The following GAREM2 variants were observed in gnomAD, a reference collection of about 807,000 sequenced individuals.
GAREM2 encodes GRB2-associated and regulator of MAPK protein 2.
Under a neutral mutation model 55.6 loss-of-function variants are expected in GAREM2, and 30 were observed. The observed-to-expected ratio is 0.54, with a 90% CI of 0.40 to 0.73. GAREM2 has a LOEUF of 0.73. Among genes scored for constraint, GAREM2 ranks in the 30% least tolerant of loss-of-function variants. GAREM2 has a pLI of 0.00. For synonymous variants in GAREM2, 550 were observed against 569.1 expected (o/e 0.97, Z 0.48); for missense variants, 1,075 against 1,257.7 (o/e 0.85, Z 2.20).
chr2:26,173,428 C>T, intron 1 of GAREM2, 96 bp downstream of exon 1: 1 of 602,524 alleles, frequency 1.7e-6, no homozygotes, highest in Non-Finnish European at 2.4e-6. Context: ...GTGCGGCACC[C>T]GCACCCTCCC....
the GAREM2 span, among the ~76,000 whole-genome samples, chr2:26,198,098 A>C: frequency 3.3e-5 from 5 of 152,174 alleles, no homozygotes; most frequent in Non-Finnish European, 7.3e-5. Context: ...ACGGCCTTGA[A>C]TTGCAATTCA....
At position 26,184,233 on chromosome 2, in the gene GAREM2, G is replaced by T; in HGVS notation, c.385G>T (p.Val129Leu). Reference protein sequence around the residue: ...VMEAITFSVKVVSGEFSEDSE... With the variant: ...VMEAITFSVKLVSGEFSEDSE... ...CCTGCCCTGTCTCTGGGATCCCCAG[G>T]TGGTGTCGGGCGAGTTCAGCGAGGA... Residue 129 changes from valine (V) to leucine (L), a missense_variant and splice_region_variant, in exon 4 of 6, where the codon GTG becomes TTG. Coordinates refer to ENST00000401533, the MANE Select transcript of GAREM2 (RefSeq NM_001168241.2). 1 of 1,549,768 alleles carries T rather than the reference G, an allele frequency of 6.5e-7. No homozygotes were observed. The highest frequency in any genetic ancestry group is 8.7e-7 in the Non-Finnish European group (1 of 1,145,932).
the GAREM2 span, among the ~76,000 whole-genome samples, chr2:26,196,470 T>A: frequency 6.6e-6 from 1 of 152,196 alleles, no homozygotes; most frequent in Non-Finnish European, 1.5e-5. Context: ...CAACTGTATA[T>A]ACATCCATAT....
intron 3 of GAREM2, 74 bp from the exon 4 acceptor site, chr2:26,184,159 C>T: frequency 6.6e-7 from 1 of 1,525,014 alleles, no homozygotes; most frequent in Non-Finnish European, 8.8e-7. Context: ...TTTCCCTTTC[C>T]AGTCTCTGGG....
downstream of GAREM2, among the ~76,000 whole-genome samples, chr2:26,192,828 G>A (rs1449807595): frequency 6.6e-6 from 1 of 152,164 alleles, no homozygotes; most frequent in Non-Finnish European, 1.5e-5. Flanking sequence ...CTGAATTCCT[G>A]AATTTGTATG....
chr2:26,176,263 G>A, intron 1 of GAREM2, 81 bp from the exon 2 acceptor site: 3 of 1,358,768 alleles, frequency 2.2e-6, no homozygotes, highest in Non-Finnish European at 2.9e-6. Flanking sequence ...TCTTGGTGAG[G>A]ACGTCACTAT....
the GAREM2 span, among the ~76,000 whole-genome samples, chr2:26,196,070 A>G: frequency 6.6e-6 from 1 of 152,212 alleles, no homozygotes; most frequent in African/African-American, 2.4e-5. Flanking sequence ...CTCATTATCT[A>G]CCTGCTCTTC....
chr2:26,187,701 C>G lies in GAREM2; in HGVS notation c.2069C>G (p.Ser690Cys). The G allele has an allele frequency of 1.3e-6, 2 of 1,488,862 alleles. No individual in the cohort carries two copies. The highest frequency in any genetic ancestry group is 1.8e-6 in the Non-Finnish European group (2 of 1,115,980). The allele number at this position is 1,488,862 out of a possible 1,614,324, so 92.2% of individuals were successfully genotyped here. Residue 690 changes from serine (S) to cysteine (C), a missense_variant, in exon 6 of 6, where the codon TCT becomes TGT. By Grantham distance (112) the Ser-to-Cys change is moderately radical. Coordinates refer to ENST00000401533, the MANE Select transcript of GAREM2 (RefSeq NM_001168241.2). ...TCCTGCGCCCCCTCCTCCTCCTCTT[C>G]TTCTGAATGGCAGGAACCAGTCCTG... ...PSSCAPSSSS[S>C]SEWQEPVLEP...
the GAREM2 span, chr2:26,199,467 G>A: frequency 1.3e-5 from 2 of 152,370 alleles, no homozygotes; most frequent in African/African-American, 2.4e-5. Context: ...GTAATATAGT[G>A]TCTAATGCTG....
rs1158355101 is a variant in GAREM2 at position 26,189,075 on chromosome 2, G to T, written c.*818G>T. The T allele has an allele frequency of 6.6e-6, 1 of 152,220 alleles. No individual in the cohort carries two copies. Among genetic ancestry groups the T allele is most frequent in the Non-Finnish European group, 1.5e-5 (1 of 68,032 alleles). 9.4% of individuals were successfully genotyped at this position (152,220 alleles called of 1,614,324 possible). A position where few individuals can be genotyped will look rare whatever the true frequency, so the allele number is the denominator to read the frequency against. ...TACTGATTCCGTGGAAGAGCAGGTT[G>T]ATTTAGGTCAGCTTCTCCTTGATTC... is the stretch of plus-strand genomic sequence containing the variant. On this transcript the variant is annotated 3_prime_UTR_variant, in exon 6 of 6. Coordinates refer to ENST00000401533, the MANE Select transcript of GAREM2 (RefSeq NM_001168241.2).
chr2:26,199,053 C>G, the GAREM2 span, among the ~76,000 whole-genome samples: 1 of 152,118 alleles, frequency 6.6e-6, no homozygotes, highest in Non-Finnish European at 1.5e-5. Context: ...TGCCACCATG[C>G]CTGGCTAATT....
the GAREM2 span, among the ~76,000 whole-genome samples, chr2:26,198,260 G>C: frequency 6.6e-6 from 1 of 152,060 alleles, no homozygotes; most frequent in Non-Finnish European, 1.5e-5. Context: ...TACCACTATA[G>C]TTGCAGCTAC....
At chr2:26,185,729 C>T (rs1669230126) in intron 4 of GAREM2, among the ~76,000 whole-genome samples, 1 of 152,132 alleles carries the variant, frequency 6.6e-6, no homozygotes, top group Non-Finnish European at 1.5e-5. Context: ...TTTATCAGAA[C>T]ATTTTCTCCC....
At chr2:26,186,482 A>T in intron 5 of GAREM2, 124 bp downstream of exon 5, 1 of 924,788 alleles carries the variant, frequency 1.1e-6, no homozygotes, top group Non-Finnish European at 1.6e-6. Flanking sequence ...CCGAGGGTGC[A>T]GCTCCCTGTG....
intron 2 of GAREM2, chr2:26,182,181 G>A (rs1252292204): frequency 4.5e-6 from 6 of 1,346,952 alleles, no homozygotes; most frequent in Admixed American, 3.3e-5. Flanking sequence ...ACACAGGGAT[G>A]TCAGCTTCAC....
At chr2:26,191,689 G>T, downstream of GAREM2, 1 of 1,555,108 alleles carries the variant, frequency 6.4e-7, no homozygotes, top group Non-Finnish European at 8.9e-7. Flanking sequence ...AGCCAGAGCC[G>T]CAGATGCAGA....
At position 26,186,218 on chromosome 2, in the gene GAREM2, C is replaced by T; in HGVS notation, c.1458C>T (p.Ala486=). The T allele has an allele frequency of 2.6e-6, 4 of 1,538,404 alleles. No homozygotes were observed. Among genetic ancestry groups the T allele is most frequent in the Non-Finnish European group, 3.5e-6 (4 of 1,140,270 alleles). The change falls in exon 5 of 6, where the codon GCC becomes GCT. Residue 486 remains alanine, a synonymous_variant. Transcript: ENST00000401533. ...AGGAGGAGTGCCGCCTGCTCAATGC[C>T]CCTCCAGTGCCTCCCCGGGGTGGCA... ...AVKEECRLLN[A]PPVPPRGGNG... is the part of the protein sequence containing the mutation.
downstream of GAREM2, chr2:26,190,887 T>C: frequency 2.8e-6 from 1 of 355,888 alleles, no homozygotes; most frequent in South Asian, 3.1e-5. Flanking sequence ...CAGAGTTTGG[T>C]TTTTATTGTT....
At chr2:26,196,465 G>A in the GAREM2 span, among the ~76,000 whole-genome samples, 1 of 152,130 alleles carries the variant, frequency 6.6e-6, no homozygotes, top group Non-Finnish European at 1.5e-5. Flanking sequence ...TTTGACAACT[G>A]TATATACATC....
Sources: gnomAD v4.1 joint callset for allele counts (sites outside exome capture counted in the v4.1 genomes callset) on GRCh38, gnomAD v4.1.1 for gene constraint, MANE v1.5 for transcripts, NCBI Gene and HGNC (gene_info 2026-07-23, HGNC 2026-07-21) for gene names.